The following MORC3 variants were observed in gnomAD, a reference collection of about 807,000 sequenced individuals.
The protein encoded by MORC3 is MORC family CW-type zinc finger 3.
In MORC3, 31 loss-of-function variants were observed where a neutral mutation model predicts 109.1. The ratio of observed to expected loss-of-function variants is 0.28; its 90% CI spans 0.21 to 0.38. The LOEUF (loss-of-function observed/expected upper bound fraction) is 0.38, where lower values mean the gene tolerates loss of function less well. Ranked by LOEUF, MORC3 falls within the 10% of genes least tolerant of loss-of-function variation. MORC3 has a pLI of 1.00. For missense variants in MORC3, 867 were observed against 1,135.8 expected (o/e 0.76, Z 3.40); for synonymous variants, 395 against 380.7 (o/e 1.04, Z -0.44).
intron 1 of MORC3, 165 bp downstream of exon 1, chr21:36,320,468 G>A (rs1018111939): frequency 5.1e-6 from 3 of 589,530 alleles, no homozygotes; most frequent in Non-Finnish European, 7.3e-6. Context: ...CGGCGGAACA[G>A]CTCGGCTGCG....
chr21:36,359,825 A>G, intron 10 of MORC3, 130 bp from the exon 11 acceptor site: 1 of 1,347,222 alleles, frequency 7.4e-7, no homozygotes, highest in Non-Finnish European at 1.0e-6. Flanking sequence ...TAATTTTGAA[A>G]GAGTTACGTC....
intron 14 of MORC3, among the ~76,000 whole-genome samples, chr21:36,365,827 C>T (rs1394475873): frequency 7.9e-5 from 12 of 152,118 alleles, no homozygotes; most frequent in Admixed American, 7.2e-4. Flanking sequence ...GGTGATCCGC[C>T]CGCCTCGGCC....
At chr21:36,339,127 A>T (rs899983405) in intron 5 of MORC3, 12 of 505,966 alleles carry the variant, frequency 2.4e-5, no homozygotes, top group South Asian at 9.8e-5. Context: ...GTTAAAAAAA[A>T]TTTTTTTTTG....
chr21:36,322,722 T>G (rs1017311654), intron 1 of MORC3, among the ~76,000 whole-genome samples: 1 of 152,174 alleles, frequency 6.6e-6, no homozygotes, highest in African/African-American at 2.4e-5. Context: ...GATCCCAGGA[T>G]GAAATGCAGA....
At chr21:36,342,275 T>C (rs949525073) in intron 6 of MORC3, among the ~76,000 whole-genome samples, 14 of 152,172 alleles carry the variant, frequency 9.2e-5, no homozygotes, top group African/African-American at 3.4e-4. Context: ...TATTCTAGAA[T>C]ACATACCTTA....
chr21:36,328,972 T>G (rs1210821825), intron 1 of MORC3, among the ~76,000 whole-genome samples: 1 of 144,534 alleles, frequency 6.9e-6, no homozygotes. Context: ...ACAAAAAAAA[T>G]CACGAAAGAA....
intron 3 of MORC3, 126 bp from the exon 4 acceptor site, chr21:36,337,606 T>G (rs1601517065): frequency 3.1e-6 from 2 of 642,980 alleles, no homozygotes; most frequent in African/African-American, 3.8e-5. Flanking sequence ...GAGGCCAGTA[T>G]TTGAACCCAG....
intron 5 of MORC3, among the ~76,000 whole-genome samples, chr21:36,340,160 C>T (rs1367554633): frequency 6.6e-6 from 1 of 152,074 alleles, no homozygotes; most frequent in East Asian, 1.9e-4. Flanking sequence ...CGCCTGTAGT[C>T]CCAGCTACTA....
chr21:36,336,748 C>A, intron 2 of MORC3, 126 bp from the exon 3 acceptor site: 1 of 899,138 alleles, frequency 1.1e-6, no homozygotes, highest in South Asian at 3.1e-5. Context: ...TTTAAAGCTG[C>A]TAAAAATTGC....
intron 9 of MORC3, among the ~76,000 whole-genome samples, chr21:36,349,679 A>C (rs1028580320): frequency 6.6e-6 from 1 of 152,244 alleles, no homozygotes; most frequent in Non-Finnish European, 1.5e-5. Context: ...AGGTGGCAAA[A>C]CATTTAGCTT....
rs1569109993 is a variant in MORC3 at position 36,369,585 on chromosome 21, TAAG to T, written c.2220_2222del (p.Lys741del). 1 of 1,614,232 alleles carries T rather than the reference TAAG, an allele frequency of 6.2e-7. No individual in the cohort carries two copies. Among genetic ancestry groups the T allele is most frequent in the Non-Finnish European group, 8.5e-7 (1 of 1,180,040 alleles). On this transcript the variant is annotated inframe_deletion, in exon 15 of 17. Coordinates refer to ENST00000400485, the MANE Select transcript of MORC3 (RefSeq NM_015358.3). ...TACTAGAAATGAATGACAAGTATGTTAAGAAAGAAACTTGCCATCAGTCCACTG... is the reference window on the plus strand; with the variant it reads ...TACTAGAAATGAATGACAAGTATGTTAAAGAAACTTGCCATCAGTCCACTG...
Position 36,337,920 on chromosome 21 carries a change from T to C in MORC3, c.434T>C (p.Val145Ala). ...LEVIKAEHVV[V>A]PIVAFNKHRQ... is the part of the protein sequence containing the mutation. ...GTCATAAAAGCGGAGCATGTTGTTG[T>C]TCCAATAGTGGCATTCAACAAGCAC... Residue 145 changes from valine (V) to alanine (A), a missense_variant, in exon 4 of 17, where the codon GTT (valine) becomes GCT (alanine). This residue lies in a region of MORC3 where 134 missense variants were observed against 166.6 expected (regional missense o/e 0.80). Coordinates refer to ENST00000400485, the MANE Select transcript of MORC3 (RefSeq NM_015358.3). The C allele has an allele frequency of 6.2e-7, 1 of 1,614,156 alleles. No homozygotes were observed. Among genetic ancestry groups the C allele is most frequent in the Non-Finnish European group, 8.5e-7 (1 of 1,179,998 alleles).
At chr21:36,333,767 G>GGT (rs1555905643) in intron 2 of MORC3, 49 bp downstream of exon 2, 16 of 912,900 alleles carry the variant, frequency 1.8e-5, no homozygotes, top group African/African-American at 9.0e-5. Flanking sequence ...CAATTGTAGT[G>GGT]TTTTTTTTTT....
intron 13 of MORC3, among the ~76,000 whole-genome samples, chr21:36,363,221 C>A (rs981525036): frequency 6.6e-6 from 1 of 152,066 alleles, no homozygotes; most frequent in Non-Finnish European, 1.5e-5. Context: ...GAGTTCGAGA[C>A]CAGCCTGGGC....
chr21:36,325,458 G>A (rs2085238366), intron 1 of MORC3, among the ~76,000 whole-genome samples: 1 of 152,306 alleles, frequency 6.6e-6, no homozygotes, highest in Non-Finnish European at 1.5e-5. Flanking sequence ...GTTTATTATT[G>A]TAATAAAACA....
At chr21:36,345,572 C>T (rs541155734) in intron 8 of MORC3, among the ~76,000 whole-genome samples, 1 of 152,072 alleles carries the variant, frequency 6.6e-6, no homozygotes, top group East Asian at 1.9e-4. Context: ...CAGGCACGTG[C>T]CGCCACGCCT....
chr21:36,371,076 C>T (rs879693437), intron 15 of MORC3, among the ~76,000 whole-genome samples: 17 of 152,076 alleles, frequency 1.1e-4, no homozygotes, highest in Admixed American at 3.9e-4. Flanking sequence ...AGGAGAAAAA[C>T]GATAAATACC....
chr21:36,341,598 G>C, intron 6 of MORC3, 52 bp downstream of exon 6: 1 of 1,606,600 alleles, frequency 6.2e-7, no homozygotes, highest in Non-Finnish European at 8.5e-7. Context: ...AATGCTGGTA[G>C]TATTAGGAGA....
intron 1 of MORC3, 33 bp downstream of exon 1, chr21:36,320,336 T>C (rs531590677): frequency 3.1e-6 from 4 of 1,290,934 alleles, no homozygotes; most frequent in East Asian, 7.5e-5. Flanking sequence ...GCGGGCCGTG[T>C]CCCAGGAGGG....
Sources: gnomAD v4.1 joint callset for allele counts (sites outside exome capture counted in the v4.1 genomes callset) on GRCh38, gnomAD v4.1.1 for gene constraint, gnomAD v4.1.1 regional missense constraint, MANE v1.5 for transcripts, NCBI Gene and HGNC (gene_info 2026-07-23, HGNC 2026-07-21) for gene names.